GADL1: variants seen among roughly 807,000 people sequenced by gnomAD.
GADL1 encodes the protein acidic amino acid decarboxylase GADL1.
A neutral mutation model predicts 69.5 loss-of-function variants in GADL1; 71 were observed. That is an observed-to-expected ratio of 1.02 (90% confidence interval 0.84 to 1.25). The LOEUF (loss-of-function observed/expected upper bound fraction) is 1.25, where lower values mean the gene tolerates loss of function less well. GADL1 is among the 50% of genes most tolerant of loss of function. The pLI is 0.00. For synonymous variants in GADL1, 254 were observed against 214.4 expected, an observed-to-expected ratio of 1.18 and a Z score of -1.62; for missense variants, 737 against 631.8, an observed-to-expected ratio of 1.17 and a Z score of -1.79.
chr3:30,797,737 C>G (rs1697074152), intron 12 of GADL1: 1 of 151,368 alleles, frequency 6.6e-6, no homozygotes, highest in Admixed American at 6.6e-5. Flanking sequence ...CAGGCATCAT[C>G]ATGTTCAGCT....
intron 14 of GADL1, among the ~76,000 whole-genome samples, chr3:30,764,202 G>T (rs1696212311): frequency 1.4e-5 from 2 of 143,932 alleles, no homozygotes; most frequent in Admixed American, 7.1e-5. Context: ...AAGTAACTGA[G>T]GACATGAAGA....
intron 14 of GADL1, among the ~76,000 whole-genome samples, chr3:30,775,009 T>C (rs1696500857): frequency 6.6e-6 from 1 of 152,060 alleles, no homozygotes; most frequent in Non-Finnish European, 1.5e-5. Flanking sequence ...AATGAAGACC[T>C]AAGATATCAT....
chr3:30,891,957 A>T (rs993695410), intron 1 of GADL1, among the ~76,000 whole-genome samples: 2 of 152,206 alleles, frequency 1.3e-5, no homozygotes, highest in Non-Finnish European at 2.9e-5. Flanking sequence ...CAGCATTTCA[A>T]CAACAAATTT....
Position 30,759,106 on chromosome 3 carries a change from T to C in GADL1, c.1392+19073A>G, listed in dbSNP as rs140073656. 2.9e-4 allele frequency among the ~76,000 whole-genome samples: 44 copies of C among 152,230 alleles called. No individual in the cohort carries two copies. In the East Asian group the frequency reaches 7.9e-3, roughly 27 times the overall value. On this transcript the variant is annotated intron_variant, in intron 14 of 14. Coordinates refer to ENST00000282538, the MANE Select transcript of GADL1 (RefSeq NM_207359.3). The stretch of plus-strand genomic sequence containing the variant: ...CCAGTGCAGATCACGATGGAGCTGG[T>C]TGGATTTAGTGCTGGCATCTCGTAA...
intron 6 of GADL1, among the ~76,000 whole-genome samples, chr3:30,848,081 T>C (rs1698085227): frequency 6.6e-6 from 1 of 152,192 alleles, no homozygotes; most frequent in African/African-American, 2.4e-5. Context: ...GAAGAGACTC[T>C]GCATTTATTA....
At chr3:30,888,427 G>A (rs1365765459) in intron 1 of GADL1, among the ~76,000 whole-genome samples, 1 of 152,150 alleles carries the variant, frequency 6.6e-6, no homozygotes, top group Non-Finnish European at 1.5e-5. Flanking sequence ...GAGTTGCGGA[G>A]ACCCTCAGGA....
intron 9 of GADL1, among the ~76,000 whole-genome samples, chr3:30,836,091 C>T (rs1479611624): frequency 6.6e-6 from 1 of 151,998 alleles, no homozygotes; most frequent in African/African-American, 2.4e-5. Context: ...TTTCTCACTT[C>T]TCTTATCCCC....
intron 14 of GADL1, among the ~76,000 whole-genome samples, chr3:30,773,729 TA>T (rs1176984383): frequency 6.6e-6 from 1 of 152,252 alleles, no homozygotes; most frequent in Non-Finnish European, 1.5e-5. Context: ...TTTGCTATTT[TA>T]AAATAATGCC....
At chr3:30,837,986 G>C (rs2125525677) in intron 9 of GADL1, among the ~76,000 whole-genome samples, 1 of 152,168 alleles carries the variant, frequency 6.6e-6, no homozygotes, top group Middle Eastern at 3.4e-3. Flanking sequence ...TGTAAACTTT[G>C]AATCATATCA....
At chr3:30,810,701 C>T (rs1317374152) in intron 11 of GADL1, among the ~76,000 whole-genome samples, 1 of 152,122 alleles carries the variant, frequency 6.6e-6, no homozygotes, top group Non-Finnish European at 1.5e-5. Context: ...CAGGTCCCTC[C>T]CATGAGCCCC....
chr3:30,820,808 C>T (rs912578396), intron 11 of GADL1, among the ~76,000 whole-genome samples: 1 of 151,688 alleles, frequency 6.6e-6, no homozygotes, highest in Non-Finnish European at 1.5e-5. Context: ...TTGACCCAGC[C>T]ATCCCATTAC....
chr3:30,836,635 A>C (rs1697879519), intron 9 of GADL1, among the ~76,000 whole-genome samples: 1 of 152,066 alleles, frequency 6.6e-6, no homozygotes, highest in Admixed American at 6.6e-5. Flanking sequence ...CCAATCTTGA[A>C]AGGGAAGTGA....
intron 13 of GADL1, among the ~76,000 whole-genome samples, chr3:30,781,563 G>A (rs1259673429): frequency 3.9e-5 from 6 of 152,192 alleles, no homozygotes; most frequent in Admixed American, 2.6e-4. Flanking sequence ...AAGCTTATAG[G>A]TGTTAAGATT....
intron 14 of GADL1, among the ~76,000 whole-genome samples, chr3:30,770,871 CTG>C (rs1696403683): frequency 6.6e-6 from 1 of 152,184 alleles, no homozygotes; most frequent in Non-Finnish European, 1.5e-5. Flanking sequence ...ATGAGGACAT[CTG>C]TACTTATCTG....
At chr3:30,755,364 C>T (rs1048187717) in intron 14 of GADL1, among the ~76,000 whole-genome samples, 1 of 51,170 alleles carries the variant, frequency 2.0e-5, no homozygotes, top group African/African-American at 1.1e-4. Context: ...GAAGAAGATA[C>T]TATTACTAAA....
At chr3:30,741,418 C>T (rs1311540406) in intron 14 of GADL1, among the ~76,000 whole-genome samples, 1 of 151,974 alleles carries the variant, frequency 6.6e-6, no homozygotes, top group Non-Finnish European at 1.5e-5. Context: ...AACAAGCCTG[C>T]CTTTCCCCAG....
chr3:30,766,079 T>A (rs1230101119), intron 14 of GADL1, among the ~76,000 whole-genome samples: 2 of 152,146 alleles, frequency 1.3e-5, no homozygotes, highest in Non-Finnish European at 2.9e-5. Context: ...TTGACTGTAT[T>A]GGTTAAATGA....
intron 14 of GADL1, among the ~76,000 whole-genome samples, chr3:30,772,883 CAA>C (rs995524121): frequency 1.3e-5 from 2 of 152,190 alleles, no homozygotes; most frequent in Admixed American, 6.5e-5. Flanking sequence ...CTTAACAAAA[CAA>C]AAGCGAAGTG....
intron 14 of GADL1, among the ~76,000 whole-genome samples, chr3:30,753,733 G>A (rs768194909): frequency 3.0e-4 from 46 of 150,938 alleles, no homozygotes; most frequent in Non-Finnish European, 5.1e-4. Context: ...TACAATAAAT[G>A]AAAACTTAAT....
Sources: allele counts gnomAD v4.1 joint callset (sites outside exome capture counted in the v4.1 genomes callset), GRCh38; gene constraint gnomAD v4.1.1; transcripts MANE v1.5; gene names NCBI Gene and HGNC (gene_info 2026-07-23, HGNC 2026-07-21).